Variants in HNRNPR observed in about 807,000 individuals in gnomAD.
HNRNPR encodes heterogeneous nuclear ribonucleoprotein R.
A neutral mutation model predicts 70.3 loss-of-function variants in HNRNPR; 4 were observed. That is an observed-to-expected ratio of 0.06 (90% CI 0.03 to 0.13). The LOEUF (loss-of-function observed/expected upper bound fraction) is 0.13, where lower values mean the gene tolerates loss of function less well. HNRNPR is among the 10% of genes least tolerant of loss of function. The probability of loss-of-function intolerance (pLI) is 1.00; values close to 1 mark genes in which losing one functional copy is unlikely to be tolerated. For synonymous variants in HNRNPR, 241 were observed against 267.6 expected (o/e 0.90, Z 0.97); for missense variants, 423 against 788.5 (o/e 0.54, Z 5.55).
chr1:23,334,461 CT>C (rs2148458700), intron 4 of HNRNPR, among the ~76,000 whole-genome samples: 1 of 152,166 alleles, frequency 6.6e-6, no homozygotes, highest in African/African-American at 2.4e-5. Context: ...TGGTCTCAAT[CT>C]CCTGATCTCG....
chr1:23,310,357 C>A lies in HNRNPR; in HGVS notation c.*97G>T, dbSNP rs1231314109. The A allele has an allele frequency of 2.2e-5, 27 of 1,200,968 alleles. No homozygotes were observed. Among genetic ancestry groups the A allele is most frequent in the Admixed American group, 1.6e-4 (7 of 43,214 alleles). 74.4% of individuals were successfully genotyped at this position (1,200,968 alleles called of 1,614,324 possible). On this transcript the variant is annotated 3_prime_UTR_variant, in exon 11 of 11. Transcript: ENST00000302271. The surrounding 1 kb of genome is among the most constrained non-coding windows in gnomAD (Gnocchi z 6.0). ...CAATACAAATGGCAGCAAAATGCTA[C>A]TTAAAGATGAAACAGTTAAGCCAAT...
Position 23,333,501 on chromosome 1 carries a change from T to C in HNRNPR, c.498+17A>G. The stretch of plus-strand genomic sequence containing the variant: ...CCAAACTGGAAAGATCTTGGTAAAC[T>C]GCTAAAGAACACTTACCTCCGTTCC... On this transcript the variant is annotated intron_variant, in intron 5 of 10. Coordinates refer to ENST00000302271, the MANE Select transcript of HNRNPR (RefSeq NM_005826.5). 6.7e-7 allele frequency: 1 copy of C among 1,493,512 alleles called. No individual in the cohort carries two copies. Among genetic ancestry groups the C allele is most frequent in the Non-Finnish European group, 9.3e-7 (1 of 1,069,808 alleles). The allele number at this position is 1,493,512 out of a possible 1,614,324, so 92.5% of individuals were successfully genotyped here. A position where few individuals can be genotyped will look rare whatever the true frequency, so the allele number is the denominator to read the frequency against.
intron 2 of HNRNPR, among the ~76,000 whole-genome samples, chr1:23,340,048 AAC>A (rs1646654466): frequency 6.6e-6 from 1 of 152,098 alleles, no homozygotes; most frequent in Non-Finnish European, 1.5e-5. Context: ...AAAAAAAAAA[AAC>A]AGCTATTTGC....
In HNRNPR at chr1:23,318,564, T is replaced by C. The variant is rs766618508; in HGVS notation, c.936A>G (p.Gly312=). 1 of 1,614,204 alleles carries C rather than the reference T, an allele frequency of 6.2e-7. No homozygotes were observed. Among genetic ancestry groups the C allele is most frequent in the South Asian group, 1.1e-5 (1 of 91,084 alleles). ...CTACATTTCCCCACACTTTTACTTT[T>C]CCACTCATCAGCCGGCGTCTGGCTT... ...AAQARRRLMS[G]KVKVWGNVVT... Residue 312 remains glycine, a synonymous_variant, in exon 8 of 11, where the codon GGA becomes GGG. Coordinates refer to ENST00000302271, the MANE Select transcript of HNRNPR (RefSeq NM_005826.5). This position sits in a 1 kb window ranked among gnomAD's most constrained non-coding sequence, Gnocchi z 4.2.
At chr1:23,319,530 T>G (rs1645675093) in intron 7 of HNRNPR, among the ~76,000 whole-genome samples, 1 of 152,208 alleles carries the variant, frequency 6.6e-6, no homozygotes, top group Admixed American at 6.5e-5. Flanking sequence ...AGTCTAATCC[T>G]GTATCTGTAC....
rs761617434 is a variant in HNRNPR at position 23,333,692 on chromosome 1, G to A, written c.385-61C>T. Reference sequence around the variant, plus strand: ...CTAAATCTCACACACAAGCATCAGTGTATTAATCTTTTCCAAAAAGGACTC... The same window carrying A: ...CTAAATCTCACACACAAGCATCAGTATATTAATCTTTTCCAAAAAGGACTC... On this transcript the variant is annotated intron_variant, in intron 4 of 10. Transcript: ENST00000302271. 56 of 926,500 alleles carry A rather than the reference G, an allele frequency of 6.0e-5. No individual in the cohort carries two copies. The Admixed American group carries it at 6.1e-4, about 10-fold the overall frequency. 57.4% of individuals were successfully genotyped at this position (926,500 alleles called of 1,614,324 possible).
In HNRNPR at chr1:23,337,712, A is replaced by G. The variant is rs1032328208; in HGVS notation, c.384+42T>C. ...ATGGAAAGAGGCATTTGACCTCATC[A>G]TTAAATGCAATTTCATTACAACTAC... On this transcript the variant is annotated intron_variant, in intron 4 of 10. Coordinates refer to ENST00000302271, the MANE Select transcript of HNRNPR (RefSeq NM_005826.5). 8 of 1,171,268 alleles carry G rather than the reference A, an allele frequency of 6.8e-6. No homozygotes were observed. In the South Asian group the frequency reaches 7.8e-5, roughly 11 times the overall value. 72.6% of individuals were successfully genotyped at this position (1,171,268 alleles called of 1,614,324 possible). A position where few individuals can be genotyped will look rare whatever the true frequency, so the allele number is the denominator to read the frequency against.
chr1:23,324,007 T>A (rs1645860631), intron 5 of HNRNPR, among the ~76,000 whole-genome samples: 1 of 151,982 alleles, frequency 6.6e-6, no homozygotes, highest in African/African-American at 2.4e-5. Context: ...ACTTGACTTT[T>A]TCTCATAAAA....
At chr1:23,342,898 G>A (rs1646756528) in intron 1 of HNRNPR, among the ~76,000 whole-genome samples, 2 of 152,104 alleles carry the variant, frequency 1.3e-5, no homozygotes, top group South Asian at 2.1e-4. Context: ...TCATTGCAAA[G>A]GCTCTACAAG....
chr1:23,318,769 C>A lies in HNRNPR; in HGVS notation c.812-81G>T. ...ATTAGGCAGACCTAAATCCACTTGA[C>A]GATGAGCAAAATATAAGTGAAGCAG... On this transcript the variant is annotated intron_variant, in intron 7 of 10. Transcript: ENST00000302271. The surrounding 1 kb of genome is among the most constrained non-coding windows in gnomAD (Gnocchi z 4.2). 1 of 1,337,928 alleles carries A rather than the reference C, an allele frequency of 7.5e-7. No homozygotes were observed. The highest frequency in any genetic ancestry group is 1.0e-6 in the Non-Finnish European group (1 of 954,768). The allele number at this position is 1,337,928 out of a possible 1,614,324, so 82.9% of individuals were successfully genotyped here.
intron 8 of HNRNPR, among the ~76,000 whole-genome samples, chr1:23,315,588 G>GC (rs1366335402): frequency 1.3e-5 from 2 of 152,126 alleles, no homozygotes; most frequent in Non-Finnish European, 2.9e-5. Context: ...AAGGAAACCA[G>GC]CAACTATTAA....
At chr1:23,341,048 A>T in intron 1 of HNRNPR, 31 bp from the exon 2 acceptor site, 1 of 1,560,500 alleles carries the variant, frequency 6.4e-7, no homozygotes. Context: ...GCTATATTAC[A>T]TTAAGCCAGA....
chr1:23,342,764 A>G (rs1646750781), intron 1 of HNRNPR, among the ~76,000 whole-genome samples: 3 of 152,220 alleles, frequency 2.0e-5, no homozygotes, highest in Admixed American at 2.0e-4. Context: ...AGTCACAGAA[A>G]AGAGGCAAAT....
intron 5 of HNRNPR, among the ~76,000 whole-genome samples, chr1:23,326,993 C>G (rs573688337): frequency 6.6e-6 from 1 of 152,074 alleles, no homozygotes; most frequent in Non-Finnish European, 1.5e-5. Context: ...TGATTAAAAC[C>G]CAGCCTTGTC....
chr1:23,315,877 GT>G (rs1557837386), intron 8 of HNRNPR, among the ~76,000 whole-genome samples: 1 of 152,052 alleles, frequency 6.6e-6, no homozygotes, highest in Non-Finnish European at 1.5e-5. Flanking sequence ...CAGCCTCTAT[GT>G]TACACAGACT....
In HNRNPR at chr1:23,321,908, A is replaced by G. The variant is rs1018754305; in HGVS notation, c.676-245T>C. 7.2e-5 allele frequency among the ~76,000 whole-genome samples: 11 copies of G among 152,310 alleles called. 1 individual carries two copies. The South Asian group carries it at 2.1e-3, about 29-fold the overall frequency. On this transcript the variant is annotated intron_variant, in intron 6 of 10. Transcript: ENST00000302271. ...AAAAGGACTCACTTTATTGTTTAAA[A>G]TATCTTATTTCATATTTTAATTTTA... is the stretch of plus-strand genomic sequence containing the variant.
chr1:23,313,270 T>G (rs1375280040), intron 9 of HNRNPR, among the ~76,000 whole-genome samples: 1 of 152,164 alleles, frequency 6.6e-6, no homozygotes, highest in Non-Finnish European at 1.5e-5. Flanking sequence ...CAGCAGCTAA[T>G]TTTTATACCT....
At chr1:23,324,089 G>A (rs1220827200) in intron 5 of HNRNPR, among the ~76,000 whole-genome samples, 1 of 151,762 alleles carries the variant, frequency 6.6e-6, no homozygotes, top group East Asian at 1.9e-4. Flanking sequence ...AAGGAAGGCG[G>A]ATCACTTGAG....
Position 23,318,710 on chromosome 1 carries a change from A to G in HNRNPR, c.812-22T>C. On this transcript the variant is annotated intron_variant, in intron 7 of 10. Coordinates refer to ENST00000302271, the MANE Select transcript of HNRNPR (RefSeq NM_005826.5). The surrounding 1 kb of genome is among the most constrained non-coding windows in gnomAD (Gnocchi z 4.2). ...CCCTCTGTTAAACCAACAGCCAGAT[A>G]TATAAGCCAAAAGCATCCACCACAC... 1 of 1,612,464 alleles carries G rather than the reference A, an allele frequency of 6.2e-7. No homozygotes were observed. The highest frequency in any genetic ancestry group is 1.1e-5 in the South Asian group (1 of 90,928).
Sources: gnomAD v4.1 joint callset for allele counts (sites outside exome capture counted in the v4.1 genomes callset) on GRCh38, gnomAD v4.1.1 for gene constraint, Gnocchi (gnomAD v3.1) non-coding constraint, MANE v1.5 for transcripts, NCBI Gene and HGNC (gene_info 2026-07-23, HGNC 2026-07-21) for gene names.